MLLT10: variants seen among roughly 807,000 people sequenced by gnomAD.
MLLT10 encodes the protein protein AF-10.
MLLT10 carries 30 observed loss-of-function variants against 129.1 expected under a neutral mutation model. The ratio of observed to expected loss-of-function variants is 0.23; its 90% CI spans 0.17 to 0.32. The LOEUF (loss-of-function observed/expected upper bound fraction) is 0.32. MLLT10 is among the 10% of genes least tolerant of loss of function. The pLI is 1.00. For synonymous variants in MLLT10, 490 were observed against 446.4 expected (o/e 1.10, Z -1.23); for missense variants, 1,119 against 1,268.3 (o/e 0.88, Z 1.79).
At chr10:21,717,801 CCTT>C (rs1159115917) in intron 14 of MLLT10, among the ~76,000 whole-genome samples, 142 of 125,518 alleles carry the variant, frequency 1.1e-3, no homozygotes, top group Middle Eastern at 4.4e-3. Context: ...TTCTTCTTCT[CCTT>C]CTTCTTCTCC....
At chr10:21,727,633 A>C (rs2057620758) in intron 15 of MLLT10, among the ~76,000 whole-genome samples, 1 of 152,208 alleles carries the variant, frequency 6.6e-6, no homozygotes, top group Admixed American at 6.5e-5. Flanking sequence ...AACAGAACAT[A>C]ATCCATGGCC....
Position 21,538,238 on chromosome 10 carries a change from C to T in MLLT10, c.161-595C>T, listed in dbSNP as rs199734444. 3.3e-5 allele frequency among the ~76,000 whole-genome samples: 5 copies of T among 151,284 alleles called. 1 individual carries two copies. The East Asian group carries it at 9.7e-4, about 29-fold the overall frequency. Reference sequence around the variant, plus strand: ...GGAGTGCAATGGTGCGATCTTACCTCACTGCAACCTCTGCCTCCCAGGTTC... The same window carrying T: ...GGAGTGCAATGGTGCGATCTTACCTTACTGCAACCTCTGCCTCCCAGGTTC... On this transcript the variant is annotated intron_variant, in intron 2 of 22. Transcript: ENST00000307729.
chr10:21,685,145 T>C (rs1564644021), intron 13 of MLLT10, among the ~76,000 whole-genome samples: 3 of 152,224 alleles, frequency 2.0e-5, no homozygotes, highest in African/African-American at 7.2e-5. Context: ...TTAGTCATAT[T>C]TATCTCACAT....
intron 7 of MLLT10, among the ~76,000 whole-genome samples, chr10:21,616,817 T>C (rs757360725): frequency 2.6e-5 from 4 of 152,010 alleles, no homozygotes; most frequent in Admixed American, 6.5e-5. Flanking sequence ...TGAAACTTTT[T>C]ATTTTTAAGC....
chr10:21,676,478 T>C (rs1270845016), intron 11 of MLLT10, among the ~76,000 whole-genome samples: 1 of 150,814 alleles, frequency 6.6e-6, no homozygotes, highest in South Asian at 2.1e-4. Flanking sequence ...CCCAGTACTT[T>C]GGGAGGCCGA....
At position 21,678,710 on chromosome 10, in the gene MLLT10, A is replaced by G. The variant is rs371836186; in HGVS notation, c.1622-2622A>G. 2.6e-5 allele frequency among the ~76,000 whole-genome samples: 4 copies of G among 152,354 alleles called. No individual in the cohort carries two copies. The East Asian group carries it at 7.7e-4, about 29-fold the overall frequency. ...TTTTCTTAAAATAACTATTCTGGCT[A>G]GTTACCATTATGAAAGAATTTCATT... On this transcript the variant is annotated intron_variant, in intron 11 of 22. Transcript: ENST00000307729.
Position 21,574,354 on chromosome 10 carries a change from A to T in MLLT10, c.241-11940A>T, listed in dbSNP as rs535492416. On this transcript the variant is annotated intron_variant, in intron 3 of 22. Transcript: ENST00000307729. ...TTGGTAATTTGTATTCTTCCTATTT[A>T]AAAAAAAATTAATTTAGCTTGCAGA... is the stretch of plus-strand genomic sequence containing the variant. Among the ~76,000 whole-genome samples the T allele has an allele frequency of 1.7e-4, 26 of 151,740 alleles. No individual in the cohort carries two copies. The East Asian group carries it at 4.8e-3, about 28-fold the overall frequency.
intron 14 of MLLT10, among the ~76,000 whole-genome samples, chr10:21,717,972 C>T (rs980194701): frequency 4.7e-5 from 7 of 148,818 alleles, no homozygotes; most frequent in Admixed American, 3.4e-4. Context: ...CTTCTTTCTT[C>T]TTTTTGAGAC....
intron 3 of MLLT10, among the ~76,000 whole-genome samples, chr10:21,565,582 C>T (rs2039445155): frequency 6.7e-6 from 1 of 150,116 alleles, no homozygotes; most frequent in Admixed American, 6.7e-5. Flanking sequence ...GCTGGGATTA[C>T]AGGTGTGAGC....
At chr10:21,647,709 G>C (rs1445311770) in intron 8 of MLLT10, among the ~76,000 whole-genome samples, 2 of 151,252 alleles carry the variant, frequency 1.3e-5, no homozygotes, top group Non-Finnish European at 2.9e-5. Flanking sequence ...CGGGGGGCGG[G>C]GGGATTGCCC....
At chr10:21,572,634 T>A (rs1407114770) in intron 3 of MLLT10, among the ~76,000 whole-genome samples, 1 of 152,156 alleles carries the variant, frequency 6.6e-6, no homozygotes, top group African/African-American at 2.4e-5. Context: ...TTTTCCTGTT[T>A]TTTTGAGACA....
Position 21,682,246 on chromosome 10 carries a change from C to T in MLLT10, c.1688C>T (p.Ala563Val), listed in dbSNP as rs142439239. The T allele has an allele frequency of 3.1e-6, 5 of 1,610,930 alleles. No homozygotes were observed. The Admixed American group carries it at 5.0e-5, about 16-fold the overall frequency. The change falls in exon 13 of 23, where the codon GCA becomes GTA. Residue 563 changes from alanine to valine, a missense_variant. By Grantham distance (64) the Ala-to-Val change is moderately conservative. Coordinates refer to ENST00000307729, the MANE Select transcript of MLLT10 (RefSeq NM_001195626.3). ...PTTTFSELLN[A>V]IHNGIYNSND... is the part of the protein sequence containing the mutation. ...AAAGCGTTCTCAGAGTTGCTGAATG[C>T]AATACACAACGGTAAGTTTTATTAG...
At chr10:21,627,248 G>T (rs2046547924) in intron 8 of MLLT10, among the ~76,000 whole-genome samples, 1 of 151,960 alleles carries the variant, frequency 6.6e-6, no homozygotes, top group Non-Finnish European at 1.5e-5. Flanking sequence ...CTGAACCATT[G>T]CAGGGTAAAT....
rs55769872 is a variant in MLLT10 at position 21,672,168 on chromosome 10, AGTGTGTGTGTGT to A, written c.1052-1151_1052-1140del. Among the ~76,000 whole-genome samples, 529 of 134,368 alleles carry A rather than the reference AGTGTGTGTGTGT, an allele frequency of 3.9e-3. 2 individuals carry two copies. The highest frequency in any genetic ancestry group is 5.4e-3 in the Non-Finnish European group (341 of 63,678). 88.2% of individuals were successfully genotyped at this position (134,368 alleles called of 152,430 possible). ...ACACTAACCTGTTTTCCAGGTTTTC[AGTGTGTGTGTGT>A]GTGTGTGTGTGTGTGTGTGTGTGTG... On this transcript the variant is annotated intron_variant, in intron 10 of 22. Transcript: ENST00000307729.
chr10:21,556,567 C>A (rs2038015199), intron 3 of MLLT10: 5 of 1,151,414 alleles, frequency 4.3e-6, no homozygotes, highest in Non-Finnish European at 6.2e-6. Flanking sequence ...TTAAGCTTTG[C>A]AGTTTTCTAG....
intron 8 of MLLT10, chr10:21,624,574 C>G: frequency 7.5e-7 from 1 of 1,334,720 alleles, no homozygotes; most frequent in Non-Finnish European, 1.0e-6. Flanking sequence ...TTATCATTTT[C>G]AAGCCCTTAC....
chr10:21,631,434 ATTT>A (rs1225647026), intron 8 of MLLT10, among the ~76,000 whole-genome samples: 15 of 145,782 alleles, frequency 1.0e-4, no homozygotes, highest in Non-Finnish European at 1.7e-4. Context: ...AGTCCCTGGA[ATTT>A]TTTTTTTTTT....
At chr10:21,739,668 G>A (rs1464358892) in intron 21 of MLLT10, among the ~76,000 whole-genome samples, 3 of 152,158 alleles carry the variant, frequency 2.0e-5, no homozygotes, top group Admixed American at 1.3e-4. Context: ...GCACCCTAAT[G>A]ACAGGCAGAA....
chr10:21,624,906 G>A, intron 8 of MLLT10: 1 of 1,289,328 alleles, frequency 7.8e-7, no homozygotes, highest in East Asian at 2.3e-5. Context: ...CCCCTTTTGT[G>A]AATAGCCAGC....
Sources: gnomAD v4.1 joint callset for allele counts (sites outside exome capture counted in the v4.1 genomes callset) on GRCh38, gnomAD v4.1.1 for gene constraint, MANE v1.5 for transcripts, NCBI Gene and HGNC (gene_info 2026-07-23, HGNC 2026-07-21) for gene names.